MFAP3L: variants seen among roughly 807,000 people sequenced by gnomAD.
MFAP3L encodes the protein microfibril associated protein 3 like, also known as microfibrillar-associated protein 3-like.
MFAP3L carries 5 observed loss-of-function variants against 20.0 expected under a neutral mutation model. The observed-to-expected ratio is 0.25, with a 90% confidence interval of 0.13 to 0.53. MFAP3L has a LOEUF of 0.53. Ranked by LOEUF, MFAP3L falls within the 20% of genes least tolerant of loss-of-function variation. The pLI, the probability that MFAP3L is intolerant of heterozygous loss-of-function variation, is 0.96. For synonymous variants in MFAP3L, 219 were observed against 213.0 expected (o/e 1.03, Z -0.25); for missense variants, 409 against 527.5 (o/e 0.78, Z 2.20).
chr4:169,997,596 A>G (rs185834485), intron 2 of MFAP3L, among the ~76,000 whole-genome samples: 4 of 152,316 alleles, frequency 2.6e-5, no homozygotes, highest in African/African-American at 9.6e-5. Context: ...TAGAGATCAC[A>G]GTCATTTTTA....
chr4:170,023,287 T>A (rs560890177), intron 1 of MFAP3L, among the ~76,000 whole-genome samples: 2 of 149,092 alleles, frequency 1.3e-5, no homozygotes, highest in African/African-American at 5.2e-5. Flanking sequence ...TGACTTACTC[T>A]TACTCATTTT....
At position 169,991,321 on chromosome 4, in the gene MFAP3L, G is replaced by T; in HGVS notation, c.*57C>A. On this transcript the variant is annotated 3_prime_UTR_variant, in exon 3 of 3. Transcript: ENST00000361618. This position sits in a 1 kb window ranked among gnomAD's most constrained non-coding sequence, Gnocchi z 4.9. ...TTAGCGGCAAGTGCGTACTACATCT[G>T]TATTACAAGGAGCAGCCCCTGATTT... 6.5e-7 allele frequency: 1 copy of T among 1,539,024 alleles called. No homozygotes were observed. The highest frequency in any genetic ancestry group is 8.8e-7 in the Non-Finnish European group (1 of 1,133,878).
At chr4:170,019,210 T>C (rs1218468551) in intron 1 of MFAP3L, among the ~76,000 whole-genome samples, 2 of 152,216 alleles carry the variant, frequency 1.3e-5, no homozygotes, top group Non-Finnish European at 2.9e-5. Flanking sequence ...TGGTCATTAC[T>C]GCCACAAATA....
At chr4:170,006,543 T>C (rs954589188) in intron 1 of MFAP3L, 1 of 152,244 alleles carries the variant, frequency 6.6e-6, no homozygotes. Context: ...ATATTTCTTA[T>C]ATTAAATTTA....
chr4:170,007,368 T>C (rs890320303), intron 1 of MFAP3L, among the ~76,000 whole-genome samples: 1 of 152,142 alleles, frequency 6.6e-6, no homozygotes, highest in African/African-American at 2.4e-5. Context: ...TCCTTTGTGG[T>C]TGGAAAGCTG....
At chr4:170,012,476 T>G (rs769964939) in intron 1 of MFAP3L, among the ~76,000 whole-genome samples, 3 of 152,192 alleles carry the variant, frequency 2.0e-5, no homozygotes, top group Non-Finnish European at 2.9e-5. Flanking sequence ...CACTCTTGGA[T>G]GAGGGCCTGT....
At chr4:170,004,439 T>G (rs1738897967) in intron 2 of MFAP3L, among the ~76,000 whole-genome samples, 1 of 152,220 alleles carries the variant, frequency 6.6e-6, no homozygotes, top group African/African-American at 2.4e-5. Context: ...AGCTTTATAA[T>G]GCTCTACAAC....
At chr4:169,996,769 A>G (rs1738202997) in intron 2 of MFAP3L, among the ~76,000 whole-genome samples, 1 of 152,032 alleles carries the variant, frequency 6.6e-6, no homozygotes, top group Admixed American at 6.6e-5. Flanking sequence ...CCTGCAGGAG[A>G]CCTGGAGCCC....
chr4:170,011,787 C>A (rs1739395471), intron 1 of MFAP3L, among the ~76,000 whole-genome samples: 1 of 152,048 alleles, frequency 6.6e-6, no homozygotes, highest in African/African-American at 2.4e-5. Flanking sequence ...TCCACTGGGG[C>A]ACCAGACAAG....
intron 1 of MFAP3L, among the ~76,000 whole-genome samples, chr4:170,018,785 G>A (rs1413552527): frequency 3.9e-5 from 6 of 152,078 alleles, no homozygotes; most frequent in East Asian, 1.9e-4. Flanking sequence ...AAAACAAAAC[G>A]ACAACAACAA....
intron 2 of MFAP3L, among the ~76,000 whole-genome samples, chr4:169,999,193 C>G (rs2110960307): frequency 6.6e-6 from 1 of 152,294 alleles, no homozygotes; most frequent in African/African-American, 2.4e-5. Context: ...CACTCACAAC[C>G]CTCCCAAGAG....
At position 170,026,218 on chromosome 4, in the gene MFAP3L, G is replaced by C; in HGVS notation, c.-134+16C>G. 11 of 983,618 alleles carry C rather than the reference G, an allele frequency of 1.1e-5. No individual in the cohort carries two copies. Among genetic ancestry groups the C allele is most frequent in the Non-Finnish European group, 1.3e-5 (11 of 828,748 alleles). 60.9% of individuals were successfully genotyped at this position (983,618 alleles called of 1,614,324 possible). On this transcript the variant is annotated intron_variant, in intron 1 of 2. Coordinates refer to ENST00000361618, the MANE Select transcript of MFAP3L (RefSeq NM_021647.8). Reference sequence around the variant, plus strand: ...CCGTGCCCCTCCGCCCCGGCCCGCCGGGGGCCCCCGCTAACCTGACACCGC... The same window carrying C: ...CCGTGCCCCTCCGCCCCGGCCCGCCCGGGGCCCCCGCTAACCTGACACCGC...
chr4:169,994,912 A>G (rs1179838590), intron 2 of MFAP3L: 2 of 152,238 alleles, frequency 1.3e-5, no homozygotes, highest in Middle Eastern at 3.2e-3. Flanking sequence ...TATATTAACT[A>G]TAAACTATGA....
intron 1 of MFAP3L, among the ~76,000 whole-genome samples, chr4:170,022,457 G>A (rs1740095837): frequency 6.6e-6 from 1 of 152,120 alleles, no homozygotes; most frequent in African/African-American, 2.4e-5. Context: ...ACAGTAAAAG[G>A]ACCACTTTGT....
rs1737721539 is a variant in MFAP3L at position 169,991,791 on chromosome 4, G to C, written c.817C>G (p.His273Asp). Residue 273 changes from histidine to aspartate, a missense_variant, in exon 3 of 3, where the codon CAT (histidine) becomes GAT (aspartate). His to Asp is a moderately conservative substitution (Grantham distance 81). Transcript: ENST00000361618. This position sits in a 1 kb window ranked among gnomAD's most constrained non-coding sequence, Gnocchi z 4.9. ...LEEQGQNFVRHTPEGQEAADR... is the reference protein window; with the variant it reads ...LEEQGQNFVRDTPEGQEAADR... ...GCGGCCTCCTGGCCCTCTGGAGTAT[G>C]CCTCACAAAATTCTGCCCCTGCTCC... 3 of 1,614,160 alleles carry C rather than the reference G, an allele frequency of 1.9e-6. No homozygotes were observed. Among genetic ancestry groups the C allele is most frequent in the Non-Finnish European group, 8.5e-7 (1 of 1,180,034 alleles).
rs570010518 is a variant in MFAP3L at position 170,007,734 on chromosome 4, T to C, written c.-133-1724A>G. 4.3e-4 allele frequency among the ~76,000 whole-genome samples: 66 copies of C among 152,280 alleles called. No homozygotes were observed. In the South Asian group the frequency reaches 7.3e-3, roughly 17 times the overall value. On this transcript the variant is annotated intron_variant, in intron 1 of 2. Coordinates refer to ENST00000361618, the MANE Select transcript of MFAP3L (RefSeq NM_021647.8). ...GCAGGGGCTCAAGTCTGAGAATGCATGAGCTGCCCCCTTAGGTGTATTCTG... is the reference window on the plus strand; with the variant it reads ...GCAGGGGCTCAAGTCTGAGAATGCACGAGCTGCCCCCTTAGGTGTATTCTG...
chr4:170,018,511 C>A (rs1458441837), intron 1 of MFAP3L, among the ~76,000 whole-genome samples: 1 of 152,084 alleles, frequency 6.6e-6, no homozygotes, highest in East Asian at 1.9e-4. Context: ...GAGAGGCGGC[C>A]ATAACTTGGA....
intron 1 of MFAP3L, among the ~76,000 whole-genome samples, chr4:170,021,584 TTGTC>T (rs1740039586): frequency 6.6e-6 from 1 of 152,202 alleles, no homozygotes; most frequent in Admixed American, 6.5e-5. Flanking sequence ...TTTTACCACA[TTGTC>T]TGAAAAATTT....
At chr4:170,015,458 C>T (rs1739641051) in intron 1 of MFAP3L, among the ~76,000 whole-genome samples, 2 of 152,216 alleles carry the variant, frequency 1.3e-5, no homozygotes, top group Admixed American at 6.5e-5. Context: ...ACTGTGATGG[C>T]CAAGCCATTT....
Sources: gnomAD v4.1 joint callset for allele counts (sites outside exome capture counted in the v4.1 genomes callset) on GRCh38, gnomAD v4.1.1 for gene constraint, Gnocchi (gnomAD v3.1) non-coding constraint, MANE v1.5 for transcripts, NCBI Gene and HGNC (gene_info 2026-07-23, HGNC 2026-07-21) for gene names.